AACS: variants seen among roughly 807,000 people sequenced by gnomAD.
AACS encodes acetoacetyl-CoA synthetase.
In AACS, 69 loss-of-function variants were observed where a neutral mutation model predicts 83.1. The observed-to-expected ratio is 0.83, with a 90% CI of 0.68 to 1.01. The LOEUF (loss-of-function observed/expected upper bound fraction) is 1.01. AACS is among the 50% of genes least tolerant of loss of function. AACS has a pLI of 0.00. For missense variants in AACS, 866 were observed against 882.2 expected (o/e 0.98, Z 0.23); for synonymous variants, 333 against 343.4 (o/e 0.97, Z 0.33).
intron 8 of AACS, among the ~76,000 whole-genome samples, chr12:125,111,150 C>T (rs1325526638): frequency 3.3e-5 from 5 of 152,220 alleles, no homozygotes; most frequent in East Asian, 3.9e-4. Flanking sequence ...TCGCTCAAAT[C>T]GTCTGATTTT....
At chr12:125,128,405 C>A in intron 13 of AACS, 131 bp downstream of exon 13, 1 of 738,714 alleles carries the variant, frequency 1.4e-6, no homozygotes, top group Non-Finnish European at 2.1e-6. Flanking sequence ...CTGTCACTTG[C>A]AGTGTGATGT....
intron 5 of AACS, among the ~76,000 whole-genome samples, chr12:125,095,053 C>T (rs1224824291): frequency 2.0e-5 from 3 of 151,784 alleles, no homozygotes; most frequent in African/African-American, 2.4e-5. Flanking sequence ...CAGCCATTCT[C>T]GCTCGCTCTG....
rs865798388 is a variant in AACS, at chr12:125,102,644, G to A, written c.571-35G>A. ...CATGCCTGCTGGTTTTTGCCTTTTG[G>A]ATGATCAATGATGACTTTTTCCTCC... On this transcript the variant is annotated intron_variant, in intron 5 of 17. Coordinates refer to ENST00000316519, the MANE Select transcript of AACS (RefSeq NM_023928.5). The A allele has an allele frequency of 7.5e-6, 12 of 1,600,674 alleles. No homozygotes were observed. In the Middle Eastern group the frequency reaches 2.0e-3, roughly 266 times the overall value.
Position 125,103,045 on chromosome 12 carries a change from C to T in AACS, c.731C>T (p.Ser244Phe). 1 of 1,614,110 alleles carries T rather than the reference C, an allele frequency of 6.2e-7. No homozygotes were observed. The highest frequency in any genetic ancestry group is 8.5e-7 in the Non-Finnish European group (1 of 1,180,012). The change falls in exon 7 of 18, where the codon TCC becomes TTC. Residue 244 changes from serine to phenylalanine, a missense_variant. Transcript: ENST00000316519. ...GTGGTGGTGATTCCTTATGTGTCCT[C>T]CAGAGAGAACATAGACCTTTCAAAG... Reference protein sequence around the residue: ...KKVVVIPYVSSRENIDLSKIP... With the variant: ...KKVVVIPYVSFRENIDLSKIP...
At chr12:125,075,118 G>A (rs1260561177) in intron 2 of AACS, among the ~76,000 whole-genome samples, 2 of 150,828 alleles carry the variant, frequency 1.3e-5, no homozygotes, top group Admixed American at 6.6e-5. Context: ...GGGATTACAG[G>A]CATGCGCCAC....
At chr12:125,077,609 C>A (rs1036442634) in intron 3 of AACS, among the ~76,000 whole-genome samples, 1 of 151,974 alleles carries the variant, frequency 6.6e-6, no homozygotes, top group African/African-American at 2.4e-5. Context: ...AAACTGAAGT[C>A]GTGTTCTGCC....
At chr12:125,119,733 G>C (rs1957121850) in intron 10 of AACS, 1 of 152,222 alleles carries the variant, frequency 6.6e-6, no homozygotes, top group Non-Finnish European at 1.5e-5. Context: ...TTAAAGATGA[G>C]ATTTGGGTGG....
At position 125,129,717 on chromosome 12, in the gene AACS, C is replaced by A. The variant is rs1250558424; in HGVS notation, c.1549+257C>A. Among the ~76,000 whole-genome samples the A allele has an allele frequency of 2.0e-5, 3 of 152,126 alleles. No homozygotes were observed. Among genetic ancestry groups the A allele is most frequent in the African/African-American group, 7.2e-5 (3 of 41,424 alleles). ...CCACCTCTGCCCAGAGCCTCTTGGC[C>A]CCAGCCCCTGCTGCTGGGAGCTGGC... On this transcript the variant is annotated intron_variant, in intron 14 of 17. Transcript: ENST00000316519. This position sits in a 1 kb window ranked among gnomAD's most constrained non-coding sequence, Gnocchi z 4.3.
intron 3 of AACS, among the ~76,000 whole-genome samples, chr12:125,077,545 G>A (rs1956055785): frequency 6.6e-6 from 1 of 151,744 alleles, no homozygotes; most frequent in African/African-American, 2.4e-5. Context: ...TTCAGCAAGA[G>A]TTTATTGGAC....
chr12:125,066,109 C>A (rs1367622427), intron 1 of AACS, among the ~76,000 whole-genome samples: 3 of 152,194 alleles, frequency 2.0e-5, no homozygotes, highest in African/African-American at 7.2e-5. Context: ...AGCTCTTCCT[C>A]TGTTTGTGGG....
At position 125,087,665 on chromosome 12, in the gene AACS, G is replaced by A. The variant is rs548280271; in HGVS notation, c.472+1222G>A. On this transcript the variant is annotated intron_variant, in intron 4 of 17. Coordinates refer to ENST00000316519, the MANE Select transcript of AACS (RefSeq NM_023928.5). Reference sequence around the variant, plus strand: ...TGGCACGGGTGTGCCTCTCCCGAGGGAACTTACTGCAAATTGCCGTTCAGC... The same window carrying A: ...TGGCACGGGTGTGCCTCTCCCGAGGAAACTTACTGCAAATTGCCGTTCAGC... Among the ~76,000 whole-genome samples, 315 of 152,338 alleles carry A rather than the reference G, an allele frequency of 2.1e-3. 1 individual carries two copies. Among genetic ancestry groups the A allele is most frequent in the African/African-American group, 7.2e-3 (298 of 41,566 alleles).
intron 14 of AACS, among the ~76,000 whole-genome samples, chr12:125,131,653 A>T (rs754728055): frequency 6.6e-6 from 1 of 151,522 alleles, no homozygotes; most frequent in Non-Finnish European, 1.5e-5. Flanking sequence ...ATTTTTTGAC[A>T]CGGTATCTCG....
Position 125,091,411 on chromosome 12 carries a change from A to G in AACS, c.473-15A>G, listed in dbSNP as rs759593850. 1.1e-5 allele frequency: 18 copies of G among 1,613,676 alleles called. No individual in the cohort carries two copies. Among genetic ancestry groups the G allele is most frequent in the Admixed American group, 1.0e-4 (6 of 60,018 alleles). On this transcript the variant is annotated splice_polypyrimidine_tract_variant and intron_variant, in intron 4 of 17. Transcript: ENST00000316519. ...CACCCTGAACCCAAGGCTTCTTCCT[A>G]TGTTTTCTCCACAGGTTATTTACCC...
chr12:125,066,779 CT>C (rs1368441200), intron 1 of AACS, among the ~76,000 whole-genome samples: 2 of 152,154 alleles, frequency 1.3e-5, no homozygotes, highest in Non-Finnish European at 2.9e-5. Context: ...ATGGTCTCCC[CT>C]CCTCACCCCC....
At chr12:125,088,062 A>G (rs868822443) in intron 4 of AACS, among the ~76,000 whole-genome samples, 30 of 151,854 alleles carry the variant, frequency 2.0e-4, no homozygotes, top group African/African-American at 7.0e-4. Context: ...ACCTGCAGGG[A>G]TCTTGGTGTG....
Position 125,065,644 on chromosome 12 carries a change from G to A in AACS, c.60G>A (p.Glu20=), listed in dbSNP as rs1180253683. Residue 20 remains glutamate, a synonymous_variant, in exon 1 of 18, where the codon GAG becomes GAA. Coordinates refer to ENST00000316519, the MANE Select transcript of AACS (RefSeq NM_023928.5). ...EEILECQVMW[E]PDSKKNTQMD... The stretch of plus-strand genomic sequence containing the variant: ...TCCTGGAGTGCCAGGTGATGTGGGA[G>A]CCTGACAGTAAGAAGAACACGCAGA... 10 of 1,546,094 alleles carry A rather than the reference G, an allele frequency of 6.5e-6. No homozygotes were observed. The highest frequency in any genetic ancestry group is 3.5e-4 in the Middle Eastern group (2 of 5,668).
Position 125,107,258 on chromosome 12 carries a change from A to T in AACS, c.905A>T (p.His302Leu). 1 of 1,613,772 alleles carries T rather than the reference A, an allele frequency of 6.2e-7. No individual in the cohort carries two copies. Among genetic ancestry groups the T allele is most frequent in the Non-Finnish European group, 8.5e-7 (1 of 1,180,004 alleles). Residue 302 changes from histidine (H) to leucine (L), a missense_variant, in exon 8 of 18, where the codon CAT (histidine) becomes CTT (leucine). Transcript: ENST00000316519. The stretch of plus-strand genomic sequence containing the variant: ...ACGGGCGCACCCAAGTGCATGGTGC[A>T]TTCCGCTGGGGTAGGTCTCTGGGGA... ...GTTGAPKCMV[H>L]SAGGTLIQHL...
At chr12:125,108,863 CTTTTTTT>C (rs60511961) in intron 8 of AACS, among the ~76,000 whole-genome samples, 1 of 126,414 alleles carries the variant, frequency 7.9e-6, no homozygotes, top group African/African-American at 3.0e-5. Flanking sequence ...ATTTTTGTGG[CTTTTTTT>C]TTTTTTTTTT....
chr12:125,076,280 GT>G (rs1243800812), intron 2 of AACS, among the ~76,000 whole-genome samples: 1 of 152,208 alleles, frequency 6.6e-6, no homozygotes, highest in Non-Finnish European at 1.5e-5. Context: ...GTTGTTTTCC[GT>G]TGGCATTAAT....
Sources: allele counts gnomAD v4.1 joint callset (sites outside exome capture counted in the v4.1 genomes callset), GRCh38; gene constraint gnomAD v4.1.1; non-coding constraint Gnocchi (gnomAD v3.1); transcripts MANE v1.5; gene names NCBI Gene and HGNC (gene_info 2026-07-23, HGNC 2026-07-21).